The following TNFSF13B variants were observed in gnomAD, a reference collection of about 807,000 sequenced individuals.
The protein encoded by TNFSF13B is tumor necrosis factor ligand superfamily member 13B.
A neutral mutation model predicts 29.1 loss-of-function variants in TNFSF13B; 8 were observed. That is an observed-to-expected ratio of 0.27 (90% CI 0.16 to 0.50). TNFSF13B has a LOEUF of 0.50. Among genes scored for constraint, TNFSF13B ranks in the 20% least tolerant of loss-of-function variants. The pLI is 0.98. For synonymous variants in TNFSF13B, 125 were observed against 130.8 expected (o/e 0.96, Z 0.30); for missense variants, 248 against 334.9 (o/e 0.74, Z 2.03).
In TNFSF13B at chr13:108,269,800, C is replaced by T; in HGVS notation, c.-96C>T. The T allele has an allele frequency of 8.5e-7, 1 of 1,178,394 alleles. No individual in the cohort carries two copies. Among genetic ancestry groups the T allele is most frequent in the Non-Finnish European group, 1.2e-6 (1 of 834,392 alleles). The allele number at this position is 1,178,394 out of a possible 1,614,324, so 73.0% of individuals were successfully genotyped here. A position where few individuals can be genotyped will look rare whatever the true frequency, so the allele number is the denominator to read the frequency against. The stretch of plus-strand genomic sequence containing the variant: ...GTGAGCCAAGCCCTGCCATGTAGTG[C>T]ACGCAGGACATCAACAAACACAGAT... On this transcript the variant is annotated 5_prime_UTR_variant, in exon 1 of 6. Transcript: ENST00000375887.
At chr13:108,274,290 C>G (rs1011028043) in intron 2 of TNFSF13B, among the ~76,000 whole-genome samples, 2 of 150,534 alleles carry the variant, frequency 1.3e-5, no homozygotes, top group African/African-American at 4.9e-5. Flanking sequence ...TACATATGAA[C>G]AATACATATG....
intron 5 of TNFSF13B, among the ~76,000 whole-genome samples, chr13:108,303,882 C>T (rs1881697880): frequency 6.6e-6 from 1 of 152,140 alleles, no homozygotes; most frequent in Non-Finnish European, 1.5e-5. Context: ...ATACATGGTA[C>T]ATAGTACTTC....
intron 5 of TNFSF13B, among the ~76,000 whole-genome samples, chr13:108,305,893 A>G (rs1881762029): frequency 6.6e-6 from 1 of 152,172 alleles, no homozygotes; most frequent in South Asian, 2.1e-4. Flanking sequence ...ACATGAACAT[A>G]CATGTGTTTA....
At chr13:108,279,582 C>T (rs1360903030) in intron 2 of TNFSF13B, among the ~76,000 whole-genome samples, 2 of 151,958 alleles carry the variant, frequency 1.3e-5, no homozygotes, top group African/African-American at 2.4e-5. Flanking sequence ...TTGGCTGGGC[C>T]GGGGCATGGA....
intron 2 of TNFSF13B, among the ~76,000 whole-genome samples, chr13:108,285,355 A>G (rs1594523602): frequency 1.3e-5 from 2 of 152,212 alleles, no homozygotes; most frequent in East Asian, 3.9e-4. Flanking sequence ...ATATAGTCTC[A>G]GGGATACATT....
chr13:108,276,738 A>G (rs953667673), intron 2 of TNFSF13B, among the ~76,000 whole-genome samples: 5 of 152,152 alleles, frequency 3.3e-5, no homozygotes, highest in African/African-American at 1.2e-4. Context: ...TTTTCTTGAA[A>G]GCTCAATAAT....
At chr13:108,292,360 T>C (rs1566405384) in intron 3 of TNFSF13B, among the ~76,000 whole-genome samples, 1 of 152,120 alleles carries the variant, frequency 6.6e-6, no homozygotes, top group Non-Finnish European at 1.5e-5. Flanking sequence ...ATAATTTCAT[T>C]AAGGGTATTT....
intron 3 of TNFSF13B, among the ~76,000 whole-genome samples, chr13:108,290,874 A>G (rs1439359173): frequency 1.3e-5 from 2 of 152,018 alleles, no homozygotes; most frequent in African/African-American, 4.8e-5. Context: ...TGAAACCTTT[A>G]TAGTTATTTT....
intron 2 of TNFSF13B, among the ~76,000 whole-genome samples, chr13:108,275,992 G>A (rs113126504): frequency 0.021 from 3,159 of 152,234 alleles, 93 homozygotes; most frequent in African/African-American, 0.073. Flanking sequence ...TGCTAAAAGT[G>A]AAGATATCAA....
chr13:108,278,279 T>C (rs1880813082), intron 2 of TNFSF13B, among the ~76,000 whole-genome samples: 1 of 152,024 alleles, frequency 6.6e-6, no homozygotes, highest in South Asian at 2.1e-4. Flanking sequence ...TCAGAGAATG[T>C]TGTTAGTGGT....
Position 108,303,497 on chromosome 13 carries a change from A to G in TNFSF13B, c.638A>G (p.Gln213Arg). Residue 213 changes from glutamine to arginine, a missense_variant, in exon 5 of 6, where the codon CAG (glutamine) becomes CGG (arginine). Physicochemically the swap from Gln to Arg is conservative, Grantham distance 43. Coordinates refer to ENST00000375887, the MANE Select transcript of TNFSF13B (RefSeq NM_006573.5). ...ACCTACGCCATGGGACATCTAATTC[A>G]GAGGAAGAAGGTCCATGTCTTTGGG... is the stretch of plus-strand genomic sequence containing the variant. ...DKTYAMGHLI[Q>R]RKKVHVFGDE... 6.2e-7 allele frequency: 1 copy of G among 1,613,734 alleles called. No homozygotes were observed. The highest frequency in any genetic ancestry group is 8.5e-7 in the Non-Finnish European group (1 of 1,179,812).
chr13:108,306,253 T>A (rs751111767), intron 5 of TNFSF13B, among the ~76,000 whole-genome samples: 1 of 151,998 alleles, frequency 6.6e-6, no homozygotes, highest in Non-Finnish European at 1.5e-5. Context: ...ATATAAGAGG[T>A]TGTGAAAAGT....
chr13:108,306,317 A>G (rs2139073006), intron 5 of TNFSF13B, among the ~76,000 whole-genome samples: 1 of 152,192 alleles, frequency 6.6e-6, no homozygotes, highest in East Asian at 1.9e-4. Flanking sequence ...AACTATATTA[A>G]TGAATGTGGT....
chr13:108,298,106 T>C (rs1430809488), intron 3 of TNFSF13B, among the ~76,000 whole-genome samples: 1 of 145,466 alleles, frequency 6.9e-6, no homozygotes, highest in African/African-American at 2.6e-5. Context: ...TTTTTAGTAA[T>C]AGCAATTTAA....
chr13:108,288,095 A>T (rs1244831376), intron 3 of TNFSF13B, among the ~76,000 whole-genome samples: 2 of 152,172 alleles, frequency 1.3e-5, no homozygotes, highest in East Asian at 1.9e-4. Flanking sequence ...TTTTTCACAA[A>T]TTTTTGTGAC....
rs1464588459 is a variant in TNFSF13B at position 108,302,865 on chromosome 13, C to T, written c.482-388C>T. Reference sequence around the variant, plus strand: ...CCAAACTCTTCAGATACTCTTTCCTCTCTGGGAATCAAAGGAAAATCTCTA... The same window carrying T: ...CCAAACTCTTCAGATACTCTTTCCTTTCTGGGAATCAAAGGAAAATCTCTA... On this transcript the variant is annotated intron_variant, in intron 3 of 5. Transcript: ENST00000375887. The T allele has an allele frequency of 3.0e-6, 3 of 989,094 alleles. No homozygotes were observed. The African/African-American group carries it at 5.2e-5, about 17-fold the overall frequency. 61.3% of individuals were successfully genotyped at this position (989,094 alleles called of 1,614,324 possible). A position where few individuals can be genotyped will look rare whatever the true frequency, so the allele number is the denominator to read the frequency against.
chr13:108,303,193 A>G, intron 3 of TNFSF13B, 60 bp from the exon 4 acceptor site: 3 of 1,092,214 alleles, frequency 2.7e-6, no homozygotes, highest in Non-Finnish European at 4.0e-6. Flanking sequence ...TAACAACTAA[A>G]TGGAGGTGAA....
At chr13:108,287,535 A>C (rs1448518454) in intron 3 of TNFSF13B, among the ~76,000 whole-genome samples, 2 of 152,176 alleles carry the variant, frequency 1.3e-5, no homozygotes, top group Non-Finnish European at 2.9e-5. Flanking sequence ...TAAATAATTA[A>C]ACTACAATAA....
chr13:108,289,170 C>A (rs1456863663), intron 3 of TNFSF13B, among the ~76,000 whole-genome samples: 3 of 152,002 alleles, frequency 2.0e-5, no homozygotes, highest in African/African-American at 4.8e-5. Context: ...TCCCCCACCC[C>A]CCAAAATGCT....
Sources: gnomAD v4.1 joint callset for allele counts (sites outside exome capture counted in the v4.1 genomes callset) on GRCh38, gnomAD v4.1.1 for gene constraint, MANE v1.5 for transcripts, NCBI Gene and HGNC (gene_info 2026-07-23, HGNC 2026-07-21) for gene names.